Variants in SMARCAL1 observed in about 807,000 individuals in gnomAD.
The protein encoded by SMARCAL1 is ATP-driven annealing helicase.
In SMARCAL1, 58 loss-of-function variants were observed where a neutral mutation model predicts 94.5. That is an observed-to-expected ratio of 0.61 (90% CI 0.50 to 0.76). SMARCAL1 has a LOEUF of 0.76. Among genes scored for constraint, SMARCAL1 ranks in the 30% least tolerant of loss-of-function variants. SMARCAL1 has a pLI of 0.00. For missense variants in SMARCAL1, 1,051 were observed against 1,177.9 expected (o/e 0.89, Z 1.58); for synonymous variants, 422 against 455.1 (o/e 0.93, Z 0.93).
chr2:216,435,402 A>G lies in SMARCAL1; in HGVS notation c.1550A>G (p.Asp517Gly). The change falls in exon 9 of 18, where the codon GAC becomes GGC. Residue 517 changes from aspartate to glycine, a missense_variant. Asp to Gly is a moderately conservative substitution (Grantham distance 94). Transcript: ENST00000357276. ...DCINVVVTGK[D>G]RLTAGLINIV... ...ATCAACGTCGTGGTGACTGGGAAGG[A>G]CCGCCTGACAGCTGGCCTGATCAAC... The G allele has an allele frequency of 1.2e-6, 2 of 1,614,156 alleles. No individual in the cohort carries two copies. Among genetic ancestry groups the G allele is most frequent in the Non-Finnish European group, 1.7e-6 (2 of 1,180,008 alleles).
chr2:216,419,517 CTG>C (rs1263623306), intron 4 of SMARCAL1, among the ~76,000 whole-genome samples: 2 of 151,972 alleles, frequency 1.3e-5, no homozygotes, highest in Non-Finnish European at 2.9e-5. Flanking sequence ...ATGTTCAGAA[CTG>C]TGTGTTTGTG....
At chr2:216,425,137 G>A (rs13393338) in intron 6 of SMARCAL1, among the ~76,000 whole-genome samples, 110 of 152,308 alleles carry the variant, frequency 7.2e-4, no homozygotes, top group African/African-American at 2.5e-3. Context: ...GGCTGCGCTC[G>A]GCTCACGCTA....
intron 17 of SMARCAL1, among the ~76,000 whole-genome samples, chr2:216,481,476 G>A (rs1227133195): frequency 3.3e-5 from 5 of 150,330 alleles, no homozygotes; most frequent in South Asian, 2.1e-4. Flanking sequence ...GATTACAGGC[G>A]TGAGCCCTTG....
intron 16 of SMARCAL1, among the ~76,000 whole-genome samples, chr2:216,477,488 A>G (rs1296661829): frequency 6.6e-6 from 1 of 152,174 alleles, no homozygotes; most frequent in Non-Finnish European, 1.5e-5. Context: ...AGTGCTGATT[A>G]TGACAAAATA....
At position 216,438,453 on chromosome 2, in the gene SMARCAL1, G is replaced by T. The variant is rs1299538509; in HGVS notation, c.1678G>T (p.Ala560Ser). 6.2e-7 allele frequency: 1 copy of T among 1,614,100 alleles called. No individual in the cohort carries two copies. The highest frequency in any genetic ancestry group is 1.1e-5 in the South Asian group (1 of 91,058). ...TCACTTCCTCAAAAACAGTAGGACT[G>T]CCCGCTGTCGAGCAGCTATGCCGGT... ...ESHFLKNSRT[A>S]RCRAAMPVLK... is the part of the protein sequence containing the mutation. The change falls in exon 10 of 18, where the codon GCC (alanine) becomes TCC (serine). Residue 560 changes from alanine to serine, a missense_variant. Transcript: ENST00000357276.
Position 216,477,199 on chromosome 2 carries a change from G to A in SMARCAL1, c.2518G>A (p.Asp840Asn). Residue 840 changes from aspartate (D) to asparagine (N), a missense_variant, in exon 16 of 18, where the codon GAC becomes AAC. Physicochemically the swap from Asp to Asn is conservative, Grantham distance 23. Transcript: ENST00000357276. ...HYLVAKGTAD[D>N]YLWPLIQEKI... ...CCTCGTGGCAAAGGGCACAGCTGAT[G>A]ACTACCTTTGGTATGGCTTGGTTGG... The A allele has an allele frequency of 6.3e-7, 1 of 1,592,896 alleles. No individual in the cohort carries two copies. Among genetic ancestry groups the A allele is most frequent in the Non-Finnish European group, 8.6e-7 (1 of 1,169,214 alleles).
intron 12 of SMARCAL1, among the ~76,000 whole-genome samples, chr2:216,455,550 G>A (rs1331493653): frequency 2.0e-5 from 3 of 152,170 alleles, no homozygotes; most frequent in Admixed American, 6.5e-5. Context: ...AGCAATATTC[G>A]TTGTTCTGCA....
At chr2:216,424,063 G>A (rs1236727795) in intron 6 of SMARCAL1, among the ~76,000 whole-genome samples, 1 of 152,210 alleles carries the variant, frequency 6.6e-6, no homozygotes, top group East Asian at 1.9e-4. Context: ...TAGGCTCTCA[G>A]TGTACTTCTA....
intron 7 of SMARCAL1, among the ~76,000 whole-genome samples, chr2:216,431,426 G>C (rs528556443): frequency 6.6e-6 from 1 of 152,224 alleles, no homozygotes; most frequent in Non-Finnish European, 1.5e-5. Flanking sequence ...TCTGGCACTT[G>C]GGATCCTTTT....
At chr2:216,480,376 C>T (rs1695170752) in intron 17 of SMARCAL1, among the ~76,000 whole-genome samples, 1 of 152,192 alleles carries the variant, frequency 6.6e-6, no homozygotes, top group Non-Finnish European at 1.5e-5. Flanking sequence ...TCTTGGAACT[C>T]GCTTCCAATT....
At position 216,475,490 on chromosome 2, in the gene SMARCAL1, C is replaced by T. The variant is rs1695054706; in HGVS notation, c.2427+39C>T. On this transcript the variant is annotated intron_variant, in intron 15 of 17. Coordinates refer to ENST00000357276, the MANE Select transcript of SMARCAL1 (RefSeq NM_014140.4). This position sits in a 1 kb window ranked among gnomAD's most constrained non-coding sequence, Gnocchi z 4.4. ...AAGACTCAGATACTCCCCAGGCATG[C>T]TCATGGCTGTGGGCAGGAAGCAGTG... is the stretch of plus-strand genomic sequence containing the variant. The T allele has an allele frequency of 2.5e-6, 4 of 1,594,184 alleles. No individual in the cohort carries two copies. The highest frequency in any genetic ancestry group is 1.7e-5 in the Admixed American group (1 of 59,968).
At chr2:216,469,535 C>T (rs537267708) in intron 14 of SMARCAL1, among the ~76,000 whole-genome samples, 7 of 152,208 alleles carry the variant, frequency 4.6e-5, no homozygotes, top group African/African-American at 1.4e-4. Context: ...CCGCCCGCCT[C>T]GGCCTCCCAA....
At chr2:216,431,797 G>A (rs2106032323) in intron 7 of SMARCAL1, among the ~76,000 whole-genome samples, 1 of 152,246 alleles carries the variant, frequency 6.6e-6, no homozygotes, top group African/African-American at 2.4e-5. Context: ...TGCACTTAAG[G>A]GCTTTAGGGT....
chr2:216,450,830 G>A lies in SMARCAL1; in HGVS notation c.1852-16G>A. The A allele has an allele frequency of 6.2e-7, 1 of 1,608,624 alleles. No individual in the cohort carries two copies. The highest frequency in any genetic ancestry group is 8.5e-7 in the Non-Finnish European group (1 of 1,175,818). ...AAAGGAGCCTCATGGGGCTGTCGCTGTCTTGTTCTCTGCAGATGCCTTGGG... is the reference window on the plus strand; with the variant it reads ...AAAGGAGCCTCATGGGGCTGTCGCTATCTTGTTCTCTGCAGATGCCTTGGG... On this transcript the variant is annotated splice_polypyrimidine_tract_variant and intron_variant, in intron 11 of 17. Transcript: ENST00000357276.
At chr2:216,430,789 C>T (rs1013130740) in intron 7 of SMARCAL1, among the ~76,000 whole-genome samples, 10 of 152,234 alleles carry the variant, frequency 6.6e-5, no homozygotes, top group African/African-American at 2.4e-4. Flanking sequence ...TGGGGCTCTC[C>T]ATGGATTCCG....
At position 216,450,972 on chromosome 2, in the gene SMARCAL1, A is replaced by G; in HGVS notation, c.1978A>G (p.Lys660Glu). Residue 660 changes from lysine to glutamate, a missense_variant, in exon 12 of 18, where the codon AAG becomes GAG. Lys to Glu is a moderately conservative substitution (Grantham distance 56, BLOSUM62 1). Transcript: ENST00000357276. ...TTCCCAGCTGCCTGCCAAGCAGCGC[A>G]AGATAGTGGTGATTGCCCCAGGACG... ...VLSQLPAKQR[K>E]IVVIAPGRIN... The G allele has an allele frequency of 1.2e-6, 2 of 1,614,226 alleles. No homozygotes were observed.
intron 4 of SMARCAL1, among the ~76,000 whole-genome samples, chr2:216,419,039 G>GCCAGTTTTT (rs2106019072): frequency 6.6e-6 from 1 of 152,278 alleles, no homozygotes; most frequent in Admixed American, 6.5e-5. Context: ...TTAATTGGCT[G>GCCAGTTTTT]CCAGTTTTTC....
chr2:216,476,353 C>T (rs1250092974), intron 15 of SMARCAL1, among the ~76,000 whole-genome samples: 1 of 151,336 alleles, frequency 6.6e-6, no homozygotes, highest in African/African-American at 2.4e-5. Flanking sequence ...GGGTCTTGCT[C>T]TGTCACCCAG....
chr2:216,442,448 A>G (rs531766804), intron 10 of SMARCAL1, among the ~76,000 whole-genome samples: 3 of 152,008 alleles, frequency 2.0e-5, no homozygotes, highest in Non-Finnish European at 4.4e-5. Flanking sequence ...TTCAAACAAT[A>G]CAAAAGGATG....
Sources: allele counts gnomAD v4.1 joint callset (sites outside exome capture counted in the v4.1 genomes callset), GRCh38; gene constraint gnomAD v4.1.1; non-coding constraint Gnocchi (gnomAD v3.1); transcripts MANE v1.5; gene names NCBI Gene and HGNC (gene_info 2026-07-23, HGNC 2026-07-21).